The following TRDN variants were observed in gnomAD, a reference collection of about 807,000 sequenced individuals.
The protein encoded by TRDN is triadin in skeletal muscle.
In TRDN, 161 loss-of-function variants were observed where a neutral mutation model predicts 149.7. That is an observed-to-expected ratio of 1.08 (90% confidence interval 0.95 to 1.23). The LOEUF (loss-of-function observed/expected upper bound fraction) is 1.23. Ranked by LOEUF, TRDN falls within the 50% of genes most tolerant of loss-of-function variation. The probability of loss-of-function intolerance (pLI) is 0.00; values close to 1 mark genes in which losing one functional copy is unlikely to be tolerated. For missense variants in TRDN, 896 were observed against 823.5 expected (o/e 1.09, Z -1.08); for synonymous variants, 294 against 250.5 (o/e 1.17, Z -1.64).
chr6:123,316,216 G>C (rs938945177), intron 24 of TRDN, among the ~76,000 whole-genome samples: 1 of 151,894 alleles, frequency 6.6e-6, no homozygotes, highest in African/African-American at 2.4e-5. Flanking sequence ...AATGGTTCTA[G>C]TGCTTTGATA....
At chr6:123,472,732 T>C (rs955056243) in intron 9 of TRDN, among the ~76,000 whole-genome samples, 1 of 152,186 alleles carries the variant, frequency 6.6e-6, no homozygotes, top group African/African-American at 2.4e-5. Context: ...CAGCTGGAGA[T>C]CTGAGAACGG....
chr6:123,452,203 C>G (rs932345954), intron 10 of TRDN, among the ~76,000 whole-genome samples: 37 of 152,288 alleles, frequency 2.4e-4, no homozygotes, highest in African/African-American at 8.9e-4. Flanking sequence ...AGGATGTCCA[C>G]TCTCACCACT....
intron 1 of TRDN, among the ~76,000 whole-genome samples, chr6:123,596,840 T>C (rs1255341455): frequency 6.6e-6 from 1 of 152,104 alleles, no homozygotes; most frequent in Non-Finnish European, 1.5e-5. Flanking sequence ...TATATGTATA[T>C]ATTTCTTTCA....
In TRDN at chr6:123,346,382, T is replaced by C. The variant is rs1329380128; in HGVS notation, c.1369+6157A>G. 2.6e-5 allele frequency among the ~76,000 whole-genome samples: 4 copies of C among 152,076 alleles called. No homozygotes were observed. The East Asian group carries it at 5.8e-4, about 22-fold the overall frequency. On this transcript the variant is annotated intron_variant, in intron 21 of 40. Transcript: ENST00000334268. ...CTTGCATATCTGGAATACGTATAAT[T>C]CTTTTTATGTATTGTTGAATTTGAT...
intron 1 of TRDN, among the ~76,000 whole-genome samples, chr6:123,587,638 A>G (rs1298684148): frequency 6.6e-6 from 1 of 152,278 alleles, no homozygotes; most frequent in Admixed American, 6.5e-5. Flanking sequence ...GACCACCAAC[A>G]GGCTTTGTGT....
At chr6:123,520,161 A>G (rs2114277901) in intron 5 of TRDN, among the ~76,000 whole-genome samples, 1 of 152,246 alleles carries the variant, frequency 6.6e-6, no homozygotes, top group East Asian at 1.9e-4. Flanking sequence ...GATGATCTCT[A>G]TGCTTTTTAA....
chr6:123,471,536 C>T lies in TRDN; in HGVS notation c.854-6553G>A, dbSNP rs180812477. Reference sequence around the variant, plus strand: ...AACATGAATTGGCTATGTGACCCTACTATAAGGTGTTTAAAACACCAACAG... The same window carrying T: ...AACATGAATTGGCTATGTGACCCTATTATAAGGTGTTTAAAACACCAACAG... On this transcript the variant is annotated intron_variant, in intron 9 of 40. Coordinates refer to ENST00000334268, the MANE Select transcript of TRDN (RefSeq NM_006073.4). 3.9e-5 allele frequency: 6 copies of T among 152,218 alleles called. No homozygotes were observed. In the East Asian group the frequency reaches 1.2e-3, roughly 29 times the overall value. The allele number at this position is 152,218 out of a possible 1,614,324, so 9.4% of individuals were successfully genotyped here.
intron 14 of TRDN, among the ~76,000 whole-genome samples, chr6:123,382,352 T>A (rs898888820): frequency 6.6e-6 from 1 of 151,262 alleles, no homozygotes; most frequent in African/African-American, 2.4e-5. Flanking sequence ...AAACTCTTTA[T>A]AAAATATCTT....
chr6:123,453,759 C>T (rs144157149), intron 10 of TRDN, among the ~76,000 whole-genome samples: 1,582 of 152,130 alleles, frequency 0.01, 13 homozygotes, highest in Non-Finnish European at 0.017. Flanking sequence ...TACTGAGTAT[C>T]TACCCAAAGG....
At chr6:123,517,945 AT>A (rs367619241) in intron 5 of TRDN, among the ~76,000 whole-genome samples, 57 of 152,146 alleles carry the variant, frequency 3.7e-4, no homozygotes, top group African/African-American at 1.3e-3. Context: ...TATTTATTTT[AT>A]TTTTTTACAT....
intron 1 of TRDN, among the ~76,000 whole-genome samples, chr6:123,602,537 T>A (rs1003045357): frequency 6.6e-6 from 1 of 151,986 alleles, no homozygotes; most frequent in Non-Finnish European, 1.5e-5. Context: ...AAAGAACTTA[T>A]CTGTGCAACC....
intron 9 of TRDN, among the ~76,000 whole-genome samples, chr6:123,475,180 AAG>A (rs1181393671): frequency 6.7e-6 from 1 of 149,902 alleles, no homozygotes; most frequent in Non-Finnish European, 1.5e-5. Flanking sequence ...TAAAGAAAAA[AAG>A]AGAGAAGAAT....
At chr6:123,327,827 T>C (rs1424619211) in intron 23 of TRDN, among the ~76,000 whole-genome samples, 2 of 152,192 alleles carry the variant, frequency 1.3e-5, no homozygotes, top group African/African-American at 2.4e-5. Flanking sequence ...CCATTGGTAC[T>C]ATATCTGATA....
At position 123,534,522 on chromosome 6, in the gene TRDN, G is replaced by C. The variant is rs182466500; in HGVS notation, c.425-3957C>G. On this transcript the variant is annotated intron_variant, in intron 4 of 40. Transcript: ENST00000334268. ...AGGAAATGATGCTATTCAAGCTCCT[G>C]TCCAATTCAGTAACATGTTACTAAT... Among the ~76,000 whole-genome samples, 6 of 152,174 alleles carry C rather than the reference G, an allele frequency of 3.9e-5. No homozygotes were observed. The East Asian group carries it at 1.2e-3, about 30-fold the overall frequency.
chr6:123,381,291 T>C, intron 16 of TRDN, 79 bp downstream of exon 16: 1 of 1,316,570 alleles, frequency 7.6e-7, no homozygotes, highest in Non-Finnish European at 1.1e-6. Flanking sequence ...GATTCAAAAT[T>C]GCAGGTCTAA....
rs149007842 is a variant in TRDN, at chr6:123,299,209, T to C, written c.1510+17248A>G. On this transcript the variant is annotated intron_variant, in intron 24 of 40. Transcript: ENST00000334268. ...ATGATATAAGACCTGGGAGATCCTGTTCTTGTTTGGAATGTCAGGATATTG... is the reference window on the plus strand; with the variant it reads ...ATGATATAAGACCTGGGAGATCCTGCTCTTGTTTGGAATGTCAGGATATTG... 2.2e-4 allele frequency among the ~76,000 whole-genome samples: 34 copies of C among 152,048 alleles called. No individual in the cohort carries two copies. In the East Asian group the frequency reaches 4.1e-3, roughly 18 times the overall value.
intron 4 of TRDN, among the ~76,000 whole-genome samples, chr6:123,538,126 G>T (rs574700587): frequency 2.0e-5 from 3 of 151,844 alleles, no homozygotes; most frequent in Non-Finnish European, 4.4e-5. Context: ...TTATTATAAG[G>T]GTTGTGTATT....
At chr6:123,538,941 T>C (rs1780686759) in intron 4 of TRDN, among the ~76,000 whole-genome samples, 1 of 152,178 alleles carries the variant, frequency 6.6e-6, no homozygotes, top group Admixed American at 6.5e-5. Context: ...AAATAATACC[T>C]TTTATAGATT....
chr6:123,551,989 A>G (rs550344655), intron 2 of TRDN, among the ~76,000 whole-genome samples: 27 of 152,224 alleles, frequency 1.8e-4, no homozygotes, highest in African/African-American at 6.3e-4. Flanking sequence ...TGAGAACAGT[A>G]GCTGGCTCTC....
Sources: gnomAD v4.1 joint callset for allele counts (sites outside exome capture counted in the v4.1 genomes callset) on GRCh38, gnomAD v4.1.1 for gene constraint, MANE v1.5 for transcripts, NCBI Gene and HGNC (gene_info 2026-07-23, HGNC 2026-07-21) for gene names.